MOV10L1: variants seen among roughly 807,000 people sequenced by gnomAD.
The protein encoded by MOV10L1 is RNA helicase Mov10l1.
A neutral mutation model predicts 143.8 loss-of-function variants in MOV10L1; 110 were observed. The observed-to-expected ratio is 0.76, with a 90% CI of 0.66 to 0.90. MOV10L1 has a LOEUF of 0.90. Ranked by LOEUF, MOV10L1 falls within the 40% of genes least tolerant of loss-of-function variation. The probability of loss-of-function intolerance (pLI) is 0.00; values close to 1 mark genes in which losing one functional copy is unlikely to be tolerated. For missense variants in MOV10L1, 1,406 were observed against 1,526.8 expected (o/e 0.92, Z 1.32); for synonymous variants, 593 against 581.1 (o/e 1.02, Z -0.29).
chr22:50,108,267 GCTC>G lies in MOV10L1; in HGVS notation c.555+23_555+25del, dbSNP rs769960939. The G allele has an allele frequency of 5.6e-6, 9 of 1,595,392 alleles. No individual in the cohort carries two copies. Among genetic ancestry groups the G allele is most frequent in the Non-Finnish European group, 7.7e-6 (9 of 1,169,162 alleles). On this transcript the variant is annotated intron_variant, in intron 4 of 26. Coordinates refer to ENST00000262794, the MANE Select transcript of MOV10L1 (RefSeq NM_018995.3). ...GGACAAGGTAGCGTGCCGACTAGTG[GCTC>G]CTCTCTGTGCTTCTGGCAGACCTGC...
intron 13 of MOV10L1, among the ~76,000 whole-genome samples, chr22:50,132,014 G>C (rs1397670978): frequency 6.6e-6 from 1 of 152,188 alleles, no homozygotes; most frequent in Non-Finnish European, 1.5e-5. Context: ...TCTTTTCCCT[G>C]TGTCCTCACG....
intron 5 of MOV10L1, among the ~76,000 whole-genome samples, chr22:50,113,186 T>C (rs1390274781): frequency 6.6e-6 from 1 of 152,238 alleles, no homozygotes; most frequent in Non-Finnish European, 1.5e-5. Context: ...CTTCTCATTT[T>C]CTAAAGAGAA....
Position 50,120,614 on chromosome 22 carries a change from G to A in MOV10L1, c.1567G>A (p.Glu523Lys), listed in dbSNP as rs547012388. The A allele has an allele frequency of 2.5e-6, 4 of 1,600,538 alleles. No homozygotes were observed. The highest frequency in any genetic ancestry group is 2.2e-5 in the East Asian group (1 of 44,810). Reference protein sequence around the residue: ...DILTFQPLLAELLNMSNYKEK... With the variant: ...DILTFQPLLAKLLNMSNYKEK... ...CCTGACTTTCCAGCCATTACTTGCA[G>A]AGGTAGGAAGTGTCTCATGGCCTGT... is the stretch of plus-strand genomic sequence containing the variant. The change falls in exon 10 of 27, where the codon GAG becomes AAG. Residue 523 changes from glutamate (E) to lysine (K), a missense_variant and splice_region_variant. By Grantham distance (56) the Glu-to-Lys change is moderately conservative. Coordinates refer to ENST00000262794, the MANE Select transcript of MOV10L1 (RefSeq NM_018995.3).
intron 21 of MOV10L1, 31 bp downstream of exon 21, chr22:50,150,930 C>G (rs1470027349): frequency 2.5e-6 from 4 of 1,612,928 alleles, no homozygotes; most frequent in African/African-American, 1.3e-5. Flanking sequence ...CGTTCAGGTC[C>G]CCAGCTAAGC....
chr22:50,125,704 A>C (rs936340889), intron 11 of MOV10L1, 135 bp downstream of exon 11: 5 of 876,006 alleles, frequency 5.7e-6, no homozygotes, highest in Non-Finnish European at 8.5e-6. Flanking sequence ...TTCACTAAAA[A>C]TCAGCAACCG....
chr22:50,129,754 A>G (rs931177023), intron 13 of MOV10L1, among the ~76,000 whole-genome samples: 1 of 152,140 alleles, frequency 6.6e-6, no homozygotes, highest in Non-Finnish European at 1.5e-5. Flanking sequence ...AATGCATCTC[A>G]TGATGGTCTT....
At chr22:50,119,646 A>C (rs966025011) in intron 9 of MOV10L1, among the ~76,000 whole-genome samples, 1 of 150,722 alleles carries the variant, frequency 6.6e-6, no homozygotes, top group Non-Finnish European at 1.5e-5. Flanking sequence ...GTTAGTAATC[A>C]ATGCTTTCCA....
chr22:50,155,754 G>A (rs2063410638), intron 22 of MOV10L1, among the ~76,000 whole-genome samples: 1 of 152,172 alleles, frequency 6.6e-6, no homozygotes, highest in Non-Finnish European at 1.5e-5. Context: ...GATTACAGGC[G>A]TGAGCCACCG....
rs770181365 is a variant in MOV10L1, at chr22:50,134,084, G to T, written c.1969+19G>T. ...GTAAAAGGTATTACTTTTATAGAATGATAGTGTTACATCTTCACAGAGTAT... is the reference window on the plus strand; with the variant it reads ...GTAAAAGGTATTACTTTTATAGAATTATAGTGTTACATCTTCACAGAGTAT... On this transcript the variant is annotated intron_variant, in intron 14 of 26. Coordinates refer to ENST00000262794, the MANE Select transcript of MOV10L1 (RefSeq NM_018995.3). 5.7e-6 allele frequency: 9 copies of T among 1,588,872 alleles called. No individual in the cohort carries two copies. The highest frequency in any genetic ancestry group is 7.7e-6 in the Non-Finnish European group (9 of 1,165,370).
chr22:50,132,186 G>C (rs1360801132), intron 13 of MOV10L1, among the ~76,000 whole-genome samples: 1 of 152,146 alleles, frequency 6.6e-6, no homozygotes, highest in African/African-American at 2.4e-5. Context: ...GAAGCTGGGG[G>C]GAACACAAAC....
intron 22 of MOV10L1, 30 bp downstream of exon 22, chr22:50,153,248 C>T (rs147697745): frequency 1.9e-4 from 300 of 1,597,062 alleles, no homozygotes; most frequent in African/African-American, 1.4e-3. Flanking sequence ...CGTAGGTGAC[C>T]GTGTCGGGTA....
At chr22:50,136,811 G>A (rs1443122663) in intron 15 of MOV10L1, among the ~76,000 whole-genome samples, 1 of 152,140 alleles carries the variant, frequency 6.6e-6, no homozygotes, top group Non-Finnish European at 1.5e-5. Context: ...AAATACCCAG[G>A]CCTGGAAAAG....
chr22:50,115,368 C>A, intron 8 of MOV10L1, 122 bp downstream of exon 8: 1 of 1,161,690 alleles, frequency 8.6e-7, no homozygotes, highest in Non-Finnish European at 1.1e-6. Flanking sequence ...AGTTCGAAAC[C>A]AGCCTGGCCA....
At position 50,090,575 on chromosome 22, in the gene MOV10L1, C is replaced by G. The variant is rs1346459798; in HGVS notation, c.97+390C>G. ...ACTTGGCCTGTCCTTTCAGAACGCG[C>G]TGCGCCAAGGCGTGCCATTTCCTTG... On this transcript the variant is annotated intron_variant, in intron 1 of 26. Transcript: ENST00000262794. 1.5e-5 allele frequency: 24 copies of G among 1,559,946 alleles called. 1 individual carries two copies. In the Middle Eastern group the frequency reaches 1.8e-3, roughly 119 times the overall value.
In MOV10L1 at chr22:50,158,231, G is replaced by C. The variant is rs1233354584; in HGVS notation, c.3216+25G>C. The C allele has an allele frequency of 6.2e-7, 1 of 1,613,454 alleles. No individual in the cohort carries two copies. Among genetic ancestry groups the C allele is most frequent in the Non-Finnish European group, 8.5e-7 (1 of 1,179,814 alleles). On this transcript the variant is annotated intron_variant, in intron 23 of 26. Transcript: ENST00000262794. The surrounding 1 kb of genome is among the most constrained non-coding windows in gnomAD (Gnocchi z 5.0). The stretch of plus-strand genomic sequence containing the variant: ...GGTACGCCCTGCCCAGGCACGCCTG[G>C]TTCTGTGAGGTCCCTGCAGCCCTGC...
intron 15 of MOV10L1, among the ~76,000 whole-genome samples, chr22:50,141,684 G>C (rs13058366): frequency 0.23 from 34,463 of 151,732 alleles, 4,273 homozygotes; most frequent in Admixed American, 0.35. Context: ...CTGGCACTTT[G>C]CACACTCTCC....
In MOV10L1 at chr22:50,108,744, TAC is replaced by T; in HGVS notation, c.648_649del (p.Arg218GlufsTer3). On this transcript the variant is annotated frameshift_variant, in exon 5 of 27. Transcript: ENST00000262794. LOFTEE classifies it high-confidence loss of function. ...GGACTCCTTGAAACTGCCAGATGGG[TAC>T]ACACCCCGGAGAGGTGACGTGGTCA... ...TLDSLKLPDG[Y>X]TPRRGDVVNA... The T allele has an allele frequency of 6.2e-7, 1 of 1,614,168 alleles. No individual in the cohort carries two copies. The highest frequency in any genetic ancestry group is 8.5e-7 in the Non-Finnish European group (1 of 1,180,026).
Position 50,097,623 on chromosome 22 carries a change from T to TA in MOV10L1, c.283-1819dup, listed in dbSNP as rs1219889816. Among the ~76,000 whole-genome samples, 3 of 152,308 alleles carry TA rather than the reference T, an allele frequency of 2.0e-5. No individual in the cohort carries two copies. The East Asian group carries it at 5.8e-4, about 29-fold the overall frequency. On this transcript the variant is annotated intron_variant, in intron 2 of 26. Transcript: ENST00000262794. ...TTCCATTGGTTTATATTTCTGTCCT[T>TA]ACACTGGTGCCACACTAGTTTGATG...
At chr22:50,122,785 A>AT (rs1191148416) in intron 10 of MOV10L1, among the ~76,000 whole-genome samples, 15 of 104,832 alleles carry the variant, frequency 1.4e-4, no homozygotes, top group Non-Finnish European at 2.2e-4. Context: ...TTATTTATTT[A>AT]TTTATTTATT....
Sources: allele counts gnomAD v4.1 joint callset (sites outside exome capture counted in the v4.1 genomes callset), GRCh38; gene constraint gnomAD v4.1.1; non-coding constraint Gnocchi (gnomAD v3.1); transcripts MANE v1.5; gene names NCBI Gene and HGNC (gene_info 2026-07-23, HGNC 2026-07-21).